ANKS1B: variants seen among roughly 807,000 people sequenced by gnomAD.
The protein encoded by ANKS1B is ankyrin repeat and sterile alpha motif domain containing 1B.
In ANKS1B, 36 loss-of-function variants were observed where a neutral mutation model predicts 148.3. That is an observed-to-expected ratio of 0.24 (90% confidence interval 0.19 to 0.32). The LOEUF is 0.32. Among genes scored for constraint, ANKS1B ranks in the 10% least tolerant of loss-of-function variants. The pLI, the probability that ANKS1B is intolerant of heterozygous loss-of-function variation, is 1.00. For synonymous variants in ANKS1B, 542 were observed against 560.8 expected, an observed-to-expected ratio of 0.97 and a Z score of 0.47; for missense variants, 1,157 against 1,542.6, an observed-to-expected ratio of 0.75 and a Z score of 4.19.
At chr12:99,317,012 C>T (rs1401512919) in intron 12 of ANKS1B, among the ~76,000 whole-genome samples, 1 of 152,134 alleles carries the variant, frequency 6.6e-6, no homozygotes, top group Non-Finnish European at 1.5e-5. Context: ...GGACTCTGCT[C>T]TGTTCCATTG....
chr12:98,817,535 C>T (rs1417813539), intron 19 of ANKS1B, among the ~76,000 whole-genome samples: 4 of 152,224 alleles, frequency 2.6e-5, no homozygotes, highest in African/African-American at 9.6e-5. Context: ...TTCCTGCCCA[C>T]CATCGGAGAC....
At chr12:99,381,665 A>T (rs1011004552) in intron 12 of ANKS1B, among the ~76,000 whole-genome samples, 4 of 152,214 alleles carry the variant, frequency 2.6e-5, no homozygotes, top group Admixed American at 6.5e-5. Flanking sequence ...GCAAGAGTGG[A>T]GTAATTTTCA....
chr12:99,297,685 G>C (rs545455376), intron 12 of ANKS1B, among the ~76,000 whole-genome samples: 1 of 152,152 alleles, frequency 6.6e-6, no homozygotes, highest in East Asian at 1.9e-4. Flanking sequence ...TCCTTACGTG[G>C]CCTTCATTCA....
At chr12:99,313,228 G>T (rs370349959) in intron 12 of ANKS1B, among the ~76,000 whole-genome samples, 16 of 152,074 alleles carry the variant, frequency 1.1e-4, no homozygotes, top group Admixed American at 6.6e-5. Context: ...GGATGATATC[G>T]TATCCCTGAA....
chr12:99,259,133 T>C (rs1305189046), intron 12 of ANKS1B, among the ~76,000 whole-genome samples: 1 of 152,212 alleles, frequency 6.6e-6, no homozygotes, highest in Non-Finnish European at 1.5e-5. Context: ...TGTGTCGGAT[T>C]ACCCTAGAAC....
chr12:99,726,677 C>A (rs1164996849), intron 8 of ANKS1B, among the ~76,000 whole-genome samples: 2 of 151,954 alleles, frequency 1.3e-5, no homozygotes, highest in Non-Finnish European at 2.9e-5. Context: ...TGGGCAGAGA[C>A]ACAACAAAAA....
intron 17 of ANKS1B, among the ~76,000 whole-genome samples, chr12:98,905,135 C>T (rs1190906465): frequency 6.6e-6 from 1 of 152,026 alleles, no homozygotes; most frequent in Non-Finnish European, 1.5e-5. Context: ...AAACTGAGTC[C>T]CTAAGAGGTT....
chr12:99,215,699 T>C (rs2084058298), intron 14 of ANKS1B, among the ~76,000 whole-genome samples: 1 of 152,212 alleles, frequency 6.6e-6, no homozygotes, highest in Admixed American at 6.5e-5. Flanking sequence ...TTTTGGCCAA[T>C]TTCTCCAATT....
intron 9 of ANKS1B, among the ~76,000 whole-genome samples, chr12:99,612,085 T>C (rs1343944152): frequency 1.3e-5 from 2 of 152,072 alleles, no homozygotes; most frequent in East Asian, 3.9e-4. Flanking sequence ...CAGCAGTATT[T>C]AGCTGCATTT....
downstream of ANKS1B, among the ~76,000 whole-genome samples, chr12:98,743,774 G>A (rs1428762772): frequency 6.6e-6 from 1 of 152,168 alleles, no homozygotes; most frequent in African/African-American, 2.4e-5. Flanking sequence ...GAAGGCAGTG[G>A]GGGCTTTAGG....
At chr12:99,457,205 G>A (rs11109850) in intron 10 of ANKS1B, among the ~76,000 whole-genome samples, 5,679 of 151,884 alleles carry the variant, frequency 0.037, 372 homozygotes, top group African/African-American at 0.13. Context: ...AAAAATAAAC[G>A]CTGAATTTGC....
intron 15 of ANKS1B, among the ~76,000 whole-genome samples, chr12:99,101,630 C>A (rs1313345209): frequency 6.6e-6 from 1 of 152,090 alleles, no homozygotes; most frequent in Non-Finnish European, 1.5e-5. Flanking sequence ...GGCATGATCT[C>A]GGCTCACTGC....
At chr12:99,968,508 A>G (rs1226566849) in intron 1 of ANKS1B, among the ~76,000 whole-genome samples, 3 of 152,230 alleles carry the variant, frequency 2.0e-5, no homozygotes, top group Non-Finnish European at 2.9e-5. Flanking sequence ...CAGTGAGCCA[A>G]GATCGTGCCA....
intron 9 of ANKS1B, among the ~76,000 whole-genome samples, chr12:99,534,701 TTTTCTTTTC>T (rs2097044788): frequency 3.4e-5 from 5 of 148,530 alleles, no homozygotes; most frequent in Middle Eastern, 7.0e-3. Flanking sequence ...TTTTTTTCTT[TTTTCTTTTC>T]TTTTTTTTTT....
chr12:99,126,415 G>A (rs1235113638), intron 15 of ANKS1B, among the ~76,000 whole-genome samples: 1 of 152,108 alleles, frequency 6.6e-6, no homozygotes, highest in African/African-American at 2.4e-5. Context: ...TTTAAGTCTA[G>A]TATTTCAATT....
At chr12:99,789,837 A>T (rs1461709212) in intron 4 of ANKS1B, among the ~76,000 whole-genome samples, 1 of 152,154 alleles carries the variant, frequency 6.6e-6, no homozygotes. Context: ...AAAGAATAAA[A>T]AGCAATGAAA....
At chr12:99,162,722 T>C (rs1806145987) in intron 14 of ANKS1B, among the ~76,000 whole-genome samples, 1 of 152,224 alleles carries the variant, frequency 6.6e-6, no homozygotes, top group South Asian at 2.1e-4. Context: ...AATGAAATTA[T>C]ACCACTCACT....
intron 15 of ANKS1B, chr12:99,104,455 T>A (rs948534276): frequency 6.6e-6 from 1 of 152,222 alleles, no homozygotes; most frequent in Non-Finnish European, 1.5e-5. Flanking sequence ...CCACTTAGGA[T>A]CCTCTAGGCC....
chr12:99,623,042 A>G (rs2098073023), intron 9 of ANKS1B, among the ~76,000 whole-genome samples: 1 of 152,070 alleles, frequency 6.6e-6, no homozygotes, highest in African/African-American at 2.4e-5. Flanking sequence ...CACATCAAAA[A>G]GCATTTTACC....
Sources: allele counts gnomAD v4.1 joint callset (sites outside exome capture counted in the v4.1 genomes callset), GRCh38; gene constraint gnomAD v4.1.1; transcripts MANE v1.5; gene names NCBI Gene and HGNC (gene_info 2026-07-23, HGNC 2026-07-21).